GPR179: variants seen among roughly 807,000 people sequenced by gnomAD.
GPR179 encodes G protein-coupled receptor 179, also known as probable G protein-coupled receptor 179.
Under a neutral mutation model 70.8 loss-of-function variants are expected in GPR179, and 52 were observed. The observed-to-expected ratio is 0.73, with a 90% CI of 0.59 to 0.93. The LOEUF (loss-of-function observed/expected upper bound fraction) is 0.93. Among genes scored for constraint, GPR179 ranks in the 40% least tolerant of loss-of-function variants. GPR179 has a pLI of 0.00. For missense variants in GPR179, 2,734 were observed against 2,966.8 expected (o/e 0.92, Z 1.82); for synonymous variants, 1,123 against 1,169.0 (o/e 0.96, Z 0.80).
chr17:38,331,964 T>C (rs1287532948), intron 10 of GPR179, among the ~76,000 whole-genome samples: 1 of 152,218 alleles, frequency 6.6e-6, no homozygotes, highest in Non-Finnish European at 1.5e-5. Context: ...AAATATGCAG[T>C]GTTCAGGTGT....
chr17:38,336,170 G>A (rs1360933355), intron 4 of GPR179, 26 bp from the exon 5 acceptor site: 2 of 1,541,450 alleles, frequency 1.3e-6, no homozygotes, highest in Non-Finnish European at 1.8e-6. Context: ...AGAGGCATGT[G>A]AGCAGAGTCT....
chr17:38,330,409 G>A lies in GPR179; in HGVS notation c.3160C>T (p.His1054Tyr). The A allele has an allele frequency of 6.2e-7, 1 of 1,608,174 alleles. No individual in the cohort carries two copies. The highest frequency in any genetic ancestry group is 1.1e-5 in the South Asian group (1 of 90,208). The change falls in exon 11 of 11, where the codon CAC (histidine) becomes TAC (tyrosine). Residue 1054 changes from histidine to tyrosine, a missense_variant. Coordinates refer to ENST00000616987, the MANE Select transcript of GPR179 (RefSeq NM_001004334.4). ...ENEMDAEDAHHQREANDVDED... is the reference protein window; with the variant it reads ...ENEMDAEDAHYQREANDVDED... ...TCCACATCATTAGCTTCCCTCTGGT[G>A]ATGTGCATCCTCTGCGTCCATCTCA...
At chr17:38,339,270 C>T (rs780011092) in intron 2 of GPR179, 147 bp downstream of exon 2, 53 of 589,512 alleles carry the variant, frequency 9.0e-5, no homozygotes, top group Non-Finnish European at 1.4e-4. Context: ...TGGTATCTCA[C>T]CTCTGCCAAT....
rs746508651 is a variant in GPR179, at chr17:38,343,609, C to T, written c.181G>A (p.Ala61Thr). The change falls in exon 1 of 11, where the codon GCT (alanine) becomes ACT (threonine). Residue 61 changes from alanine to threonine, a missense_variant. Ala to Thr is a moderately conservative substitution (Grantham distance 58, BLOSUM62 0). Coordinates refer to ENST00000616987, the MANE Select transcript of GPR179 (RefSeq NM_001004334.4). The surrounding 1 kb of genome is among the most constrained non-coding windows in gnomAD (Gnocchi z 4.2). ...TGGGCATCTCCAGAGTAGAGATAAG[C>T]GAGGGCGGCCTCGGCCCCCTCTAGG... ...VPLEGAEAAL[A>T]YLYSGDAQQL... 1.6e-5 allele frequency: 26 copies of T among 1,613,772 alleles called. No individual in the cohort carries two copies. Among genetic ancestry groups the T allele is most frequent in the Admixed American group, 5.0e-5 (3 of 60,020 alleles).
chr17:38,336,838 A>T, intron 4 of GPR179, 140 bp downstream of exon 4: 1 of 861,964 alleles, frequency 1.2e-6, no homozygotes, highest in South Asian at 1.8e-5. Context: ...CGGAGAAATC[A>T]CTTGCATCAT....
chr17:38,327,828 C>T lies in GPR179; in HGVS notation c.5741G>A (p.Gly1914Glu). The change falls in exon 11 of 11, where the codon GGG (glycine) becomes GAG (glutamate). Residue 1914 changes from glycine (G) to glutamate (E), a missense_variant. Gly to Glu is a moderately conservative substitution (Grantham distance 98, BLOSUM62 -2). Transcript: ENST00000616987. ...TGTCTTTGGGTCTTGTCTCAGGTCC[C>T]CCTTCTCTGTTGCTTCCAAGGAATG... is the stretch of plus-strand genomic sequence containing the variant. ...EGHSLEATEK[G>E]DLRQDPKTGS... 1.2e-6 allele frequency: 2 copies of T among 1,614,128 alleles called. No individual in the cohort carries two copies. Among genetic ancestry groups the T allele is most frequent in the Non-Finnish European group, 1.7e-6 (2 of 1,180,030 alleles).
At chr17:38,332,403 C>G (rs1241514797) in intron 10 of GPR179, among the ~76,000 whole-genome samples, 1 of 152,186 alleles carries the variant, frequency 6.6e-6, no homozygotes, top group African/African-American at 2.4e-5. Context: ...GTTCTGGTGA[C>G]TATAATGATC....
rs2037408643 is a variant in GPR179 at position 38,336,961 on chromosome 17, T to C, written c.1227+17A>G. Reference sequence around the variant, plus strand: ...ATGGGTCGGACATGTGTGTAGGAGGTGTGGGGCCTTCCTTGCCTTGTTCCG... The same window carrying C: ...ATGGGTCGGACATGTGTGTAGGAGGCGTGGGGCCTTCCTTGCCTTGTTCCG... On this transcript the variant is annotated intron_variant, in intron 4 of 10. Transcript: ENST00000616987. 6.4e-7 allele frequency: 1 copy of C among 1,569,626 alleles called. No homozygotes were observed.
intron 1 of GPR179, among the ~76,000 whole-genome samples, chr17:38,340,868 A>G (rs1231566370): frequency 6.6e-6 from 1 of 152,224 alleles, no homozygotes; most frequent in African/African-American, 2.4e-5. Flanking sequence ...CAGTGAGCCA[A>G]GATGGCGCCA....
In GPR179 at chr17:38,329,357, C is replaced by T. The variant is rs754823374; in HGVS notation, c.4212G>A (p.Gln1404=). 5.0e-6 allele frequency: 8 copies of T among 1,613,876 alleles called. No homozygotes were observed. Among genetic ancestry groups the T allele is most frequent in the Non-Finnish European group, 5.9e-6 (7 of 1,179,950 alleles). The change falls in exon 11 of 11, where the codon CAG becomes CAA. Residue 1404 remains glutamine, a synonymous_variant. Transcript: ENST00000616987. Reference sequence around the variant, plus strand: ...TTGCTTTCCTGGTTTTCTGCTTTTCCTGAGGGAGATCCTTCACTGCCTCTT... The same window carrying T: ...TTGCTTTCCTGGTTTTCTGCTTTTCTTGAGGGAGATCCTTCACTGCCTCTT... The part of the protein sequence containing the change: ...PAQEAVKDLP[Q]EKQKTRKATF...
At position 38,327,332 on chromosome 17, in the gene GPR179, ACT is replaced by A. The variant is rs759468181; in HGVS notation, c.6235_6236del (p.Gln2080ArgfsTer15). ...GTGGGGACAGACCCTTGCCATCTTG[ACT>A]CTCCCAGGGACACACAGCCTCCTGC... ...RQQEAVCPWE[S>X]QDGKGLSPQP... is the part of the protein sequence containing the mutation. On this transcript the variant is annotated frameshift_variant, in exon 11 of 11. Transcript: ENST00000616987. LOFTEE classifies it low-confidence loss of function (END_TRUNC). 3 of 1,613,168 alleles carry A rather than the reference ACT, an allele frequency of 1.9e-6. No homozygotes were observed. The highest frequency in any genetic ancestry group is 2.5e-6 in the Non-Finnish European group (3 of 1,179,850).
chr17:38,327,295 C>T lies in GPR179; in HGVS notation c.6274G>A (p.Asp2092Asn), dbSNP rs2037297386. ...CTGCCTCTGCTTCTGTCAGAAGCAT[C>T]TGGGGCTGGCTGTGGGGACAGACCC... ...GKGLSPQPAP[D>N]ASDRSRGSSE... Residue 2092 changes from aspartate to asparagine, a missense_variant, in exon 11 of 11, where the codon GAT becomes AAT. Physicochemically the swap from Asp to Asn is conservative, Grantham distance 23. Transcript: ENST00000616987. 3.7e-6 allele frequency: 6 copies of T among 1,614,222 alleles called. No individual in the cohort carries two copies. Among genetic ancestry groups the T allele is most frequent in the Non-Finnish European group, 5.1e-6 (6 of 1,180,030 alleles).
rs561096333 is a variant in GPR179, at chr17:38,326,776, C to T, written c.6793G>A (p.Glu2265Lys). Reference sequence around the variant, plus strand: ...TTTTCAGGAGCTGTGGGGAAAAATTCTCTCCGAGTTGCTGTTAAAGCCAGG... The same window carrying T: ...TTTTCAGGAGCTGTGGGGAAAAATTTTCTCCGAGTTGCTGTTAAAGCCAGG... ...GLLALTATRR[E>K]FFPTAPEKPL... is the part of the protein sequence containing the mutation. The change falls in exon 11 of 11, where the codon GAA becomes AAA. Residue 2265 changes from glutamate to lysine, a missense_variant. Coordinates refer to ENST00000616987, the MANE Select transcript of GPR179 (RefSeq NM_001004334.4). 1.5e-5 allele frequency: 25 copies of T among 1,614,232 alleles called. No homozygotes were observed. Among genetic ancestry groups the T allele is most frequent in the Non-Finnish European group, 1.9e-5 (23 of 1,180,042 alleles).
rs2037315431 is a variant in GPR179 at position 38,328,587 on chromosome 17, G to A, written c.4982C>T (p.Pro1661Leu). ...WESVDPGSFS[P>L]QPRPQDTERP... The stretch of plus-strand genomic sequence containing the variant: ...CTCTGTGTCTTGAGGACGTGGTTGT[G>A]GGGAGAAGCTGCCAGGGTCCACACT... Residue 1661 changes from proline (P) to leucine (L), a missense_variant, in exon 11 of 11, where the codon CCA (proline) becomes CTA (leucine). By Grantham distance (98) the Pro-to-Leu change is moderately conservative (BLOSUM62 -3). Transcript: ENST00000616987. 1 of 1,614,114 alleles carries A rather than the reference G, an allele frequency of 6.2e-7. No homozygotes were observed. The highest frequency in any genetic ancestry group is 8.5e-7 in the Non-Finnish European group (1 of 1,180,014).
intron 3 of GPR179, 69 bp downstream of exon 3, chr17:38,337,564 C>A (rs539555394): frequency 1.5e-6 from 2 of 1,360,666 alleles, no homozygotes; most frequent in East Asian, 4.6e-5. Context: ...TGGCTTTCTT[C>A]CCCAGATGTA....
intron 6 of GPR179, 52 bp from the exon 7 acceptor site, chr17:38,335,323 G>A (rs567544294): frequency 1.5e-5 from 20 of 1,374,078 alleles, no homozygotes; most frequent in Middle Eastern, 1.9e-4. Context: ...GGTGGATCAC[G>A]AAGAGGGTGC....
chr17:38,327,450 T>G lies in GPR179; in HGVS notation c.6119A>C (p.Asp2040Ala). 1 of 1,614,154 alleles carries G rather than the reference T, an allele frequency of 6.2e-7. No individual in the cohort carries two copies. Among genetic ancestry groups the G allele is most frequent in the Non-Finnish European group, 8.5e-7 (1 of 1,180,036 alleles). ...KGVSRQDGKG[D>A]SQEEKGRAPE... Reference sequence around the variant, plus strand: ...GGCTCTGCCTTTCTCTTCTTGAGAGTCCCCTTTTCCATCCTGCCTTGACAC... The same window carrying G: ...GGCTCTGCCTTTCTCTTCTTGAGAGGCCCCTTTTCCATCCTGCCTTGACAC... Residue 2040 changes from aspartate (D) to alanine (A), a missense_variant, in exon 11 of 11, where the codon GAC becomes GCC. Coordinates refer to ENST00000616987, the MANE Select transcript of GPR179 (RefSeq NM_001004334.4).
At chr17:38,333,452 C>T in intron 9 of GPR179, 55 bp from the exon 10 acceptor site, 1 of 1,538,940 alleles carries the variant, frequency 6.5e-7, no homozygotes. Context: ...CTTGTCCACT[C>T]CTGCACTCAC....
intron 1 of GPR179, among the ~76,000 whole-genome samples, chr17:38,340,991 A>G (rs2037444953): frequency 6.6e-6 from 1 of 152,194 alleles, no homozygotes; most frequent in South Asian, 2.1e-4. Flanking sequence ...TCTCTTGTTA[A>G]TCTGTCTTTT....
Sources: gnomAD v4.1 joint callset for allele counts (sites outside exome capture counted in the v4.1 genomes callset) on GRCh38, gnomAD v4.1.1 for gene constraint, Gnocchi (gnomAD v3.1) non-coding constraint, MANE v1.5 for transcripts, NCBI Gene and HGNC (gene_info 2026-07-23, HGNC 2026-07-21) for gene names.